The following ARHGAP26 variants were observed in gnomAD, a reference collection of about 807,000 sequenced individuals.
ARHGAP26 encodes rho GTPase-activating protein 26.
A neutral mutation model predicts 104.8 loss-of-function variants in ARHGAP26; 38 were observed. The ratio of observed to expected loss-of-function variants is 0.36; its 90% CI spans 0.28 to 0.48. The LOEUF is 0.48. ARHGAP26 is among the 20% of genes least tolerant of loss of function. The probability of loss-of-function intolerance (pLI) is 0.99; values close to 1 mark genes in which losing one functional copy is unlikely to be tolerated. For missense variants in ARHGAP26, 704 were observed against 947.9 expected, an observed-to-expected ratio of 0.74 and a Z score of 3.38; for synonymous variants, 341 against 340.0, an observed-to-expected ratio of 1.00 and a Z score of -0.03.
chr5:143,036,961 G>T (rs1454236297), intron 12 of ARHGAP26, among the ~76,000 whole-genome samples: 1 of 152,102 alleles, frequency 6.6e-6, no homozygotes, highest in East Asian at 1.9e-4. Context: ...GTTACTATGA[G>T]AACTAAATGA....
chr5:142,999,151 G>A (rs1776848743), intron 11 of ARHGAP26, among the ~76,000 whole-genome samples: 1 of 152,196 alleles, frequency 6.6e-6, no homozygotes, highest in Non-Finnish European at 1.5e-5. Flanking sequence ...GATACAGAGA[G>A]ACGAAGAGGT....
In ARHGAP26 at chr5:142,868,508, G is replaced by T. The variant is rs977861137; in HGVS notation, c.155-4892G>T. Among the ~76,000 whole-genome samples the T allele has an allele frequency of 5.3e-5, 8 of 152,330 alleles. No individual in the cohort carries two copies. The South Asian group carries it at 8.3e-4, about 16-fold the overall frequency. On this transcript the variant is annotated intron_variant, in intron 1 of 22. Transcript: ENST00000645722. ...GTTGCAGTTATCTGGGCAAATGGAG[G>T]TGTTTTGTTTAGGGGTTGCTGATAG...
intron 17 of ARHGAP26, among the ~76,000 whole-genome samples, chr5:143,076,908 T>C (rs944910114): frequency 4.4e-5 from 3 of 67,788 alleles, no homozygotes; most frequent in Non-Finnish European, 9.8e-5. Context: ...TAGAGTTGTT[T>C]CTAAAGTTTT....
At chr5:143,087,389 T>G (rs1171297421) in intron 17 of ARHGAP26, among the ~76,000 whole-genome samples, 2 of 152,212 alleles carry the variant, frequency 1.3e-5, no homozygotes, top group African/African-American at 2.4e-5. Context: ...GAAAGCAGTT[T>G]AGTGCCAGAC....
At chr5:142,822,190 A>C (rs891113822) in intron 1 of ARHGAP26, among the ~76,000 whole-genome samples, 8 of 152,008 alleles carry the variant, frequency 5.3e-5, no homozygotes, top group Admixed American at 1.3e-4. Context: ...CCATCTTTCT[A>C]TCACACTAAC....
At chr5:142,903,743 A>C in intron 8 of ARHGAP26, 74 bp downstream of exon 8, 1 of 1,492,190 alleles carries the variant, frequency 6.7e-7, no homozygotes, top group Non-Finnish European at 9.1e-7. Context: ...TGTATTCAGC[A>C]GTGCCTACCT....
At chr5:143,160,060 CT>C (rs200678768) in intron 20 of ARHGAP26, among the ~76,000 whole-genome samples, 28,037 of 133,000 alleles carry the variant, frequency 0.21, 2,121 homozygotes, top group East Asian at 0.35. Flanking sequence ...AAAGATTTTT[CT>C]TTTTTTTTTT....
At position 143,087,636 on chromosome 5, in the gene ARHGAP26, C is replaced by CTTTTTTTTTTTTT. The variant is rs35201189; in HGVS notation, c.1538+29903_1538+29915dup. The stretch of plus-strand genomic sequence containing the variant: ...CTCATCTAATTAACCCTGGCCCATT[C>CTTTTTTTTTTTTT]TTTTTTTTTTTTTTTTTTTTTTTTT... On this transcript the variant is annotated intron_variant, in intron 17 of 22. Coordinates refer to ENST00000645722, the MANE Select transcript of ARHGAP26 (RefSeq NM_001135608.3). 3.9e-3 allele frequency among the ~76,000 whole-genome samples: 199 copies of CTTTTTTTTTTTTT among 51,566 alleles called. 61 individuals carry two copies. The highest frequency in any genetic ancestry group is 0.015 in the East Asian group (18 of 1,166). The allele number at this position is 51,566 out of a possible 152,430, so 33.8% of individuals were successfully genotyped here.
Position 143,081,958 on chromosome 5 carries a change from C to T in ARHGAP26, c.1538+24211C>T, listed in dbSNP as rs563634406. 2.5e-4 allele frequency among the ~76,000 whole-genome samples: 35 copies of T among 142,710 alleles called. 1 individual carries two copies. Among genetic ancestry groups the T allele is most frequent in the South Asian group, 2.2e-3 (10 of 4,552 alleles). The allele number at this position is 142,710 out of a possible 152,430, so 93.6% of individuals were successfully genotyped here. A position where few individuals can be genotyped will look rare whatever the true frequency, so the allele number is the denominator to read the frequency against. On this transcript the variant is annotated intron_variant, in intron 17 of 22. Transcript: ENST00000645722. ...CCGGGAGGTGGAGCTTGCAGTGAGC[C>T]GAGATCGCGCCACTGCGCTCCAGCC... is the stretch of plus-strand genomic sequence containing the variant.
chr5:143,073,291 A>G (rs927157436), intron 17 of ARHGAP26, among the ~76,000 whole-genome samples: 1 of 152,222 alleles, frequency 6.6e-6, no homozygotes, highest in Admixed American at 6.5e-5. Context: ...TAACTTTGGC[A>G]TGTAAGGAGG....
chr5:143,036,989 A>G (rs1782750627), intron 12 of ARHGAP26, among the ~76,000 whole-genome samples: 1 of 152,204 alleles, frequency 6.6e-6, no homozygotes, highest in Non-Finnish European at 1.5e-5. Flanking sequence ...CATGCAAAGC[A>G]CTTAAAACCA....
chr5:142,780,960 A>T (rs914335731), intron 1 of ARHGAP26, among the ~76,000 whole-genome samples: 3 of 152,210 alleles, frequency 2.0e-5, no homozygotes, highest in Non-Finnish European at 4.4e-5. Flanking sequence ...ATCATGCCAC[A>T]TGTCCTCTGC....
chr5:142,901,583 G>A (rs536185469), intron 6 of ARHGAP26, among the ~76,000 whole-genome samples: 20 of 152,244 alleles, frequency 1.3e-4, no homozygotes, highest in Non-Finnish European at 2.4e-4. Flanking sequence ...GTTCTCAGCA[G>A]GTGGTGAGGC....
At chr5:143,202,555 T>C (rs1222133944) in intron 20 of ARHGAP26, 3 of 152,104 alleles carry the variant, frequency 2.0e-5, no homozygotes, top group Non-Finnish European at 4.4e-5. Flanking sequence ...CTGACTTCCT[T>C]CACAGAATTA....
At chr5:143,191,096 A>G (rs896660480) in intron 20 of ARHGAP26, among the ~76,000 whole-genome samples, 2 of 152,226 alleles carry the variant, frequency 1.3e-5, no homozygotes, top group Non-Finnish European at 2.9e-5. Flanking sequence ...GCATTATAAA[A>G]CTGAATATGG....
chr5:143,139,298 A>T (rs2150934202), intron 19 of ARHGAP26, among the ~76,000 whole-genome samples: 1 of 152,336 alleles, frequency 6.6e-6, no homozygotes. Context: ...CCTGTGAGGT[A>T]GGTTCTTATA....
chr5:143,166,595 A>G (rs59186727), intron 20 of ARHGAP26, among the ~76,000 whole-genome samples: 4,447 of 152,064 alleles, frequency 0.029, 237 homozygotes, highest in African/African-American at 0.1. Context: ...GATTGCCATG[A>G]CCCCTGACAG....
intron 20 of ARHGAP26, chr5:143,194,187 T>C (rs1344277293): frequency 6.6e-6 from 1 of 152,266 alleles, no homozygotes; most frequent in Non-Finnish European, 1.5e-5. Context: ...AGGAATTTAT[T>C]CTACATTCGT....
chr5:142,947,724 A>G (rs751470979), intron 11 of ARHGAP26, among the ~76,000 whole-genome samples: 21 of 152,242 alleles, frequency 1.4e-4, no homozygotes, highest in Non-Finnish European at 2.5e-4. Flanking sequence ...GGTTTTGTTC[A>G]TTATTGGGCC....
Sources: gnomAD v4.1 joint callset for allele counts (sites outside exome capture counted in the v4.1 genomes callset) on GRCh38, gnomAD v4.1.1 for gene constraint, MANE v1.5 for transcripts, NCBI Gene and HGNC (gene_info 2026-07-23, HGNC 2026-07-21) for gene names.